The following PEX5L variants were observed in gnomAD, a reference collection of about 807,000 sequenced individuals.
The protein encoded by PEX5L is peroxisomal biogenesis factor 5 like.
A neutral mutation model predicts 84.0 loss-of-function variants in PEX5L; 30 were observed. The ratio of observed to expected loss-of-function variants is 0.36; its 90% confidence interval spans 0.27 to 0.48. The LOEUF is 0.48. PEX5L is among the 20% of genes least tolerant of loss of function. The pLI is 0.99. For missense variants in PEX5L, 533 were observed against 754.6 expected (o/e 0.71, Z 3.44); for synonymous variants, 270 against 283.1 (o/e 0.95, Z 0.46).
intron 1 of PEX5L, among the ~76,000 whole-genome samples, chr3:180,025,097 A>G (rs1790828314): frequency 6.6e-6 from 1 of 152,232 alleles, no homozygotes; most frequent in East Asian, 1.9e-4. Flanking sequence ...GGTTAATTAC[A>G]GTGGCAATCT....
At chr3:179,930,682 CAA>C (rs1333322197) in intron 2 of PEX5L, among the ~76,000 whole-genome samples, 2 of 152,238 alleles carry the variant, frequency 1.3e-5, no homozygotes, top group South Asian at 4.2e-4. Context: ...GCAGTTAAAA[CAA>C]GAGGAAATGT....
rs1286912547 is a variant in PEX5L at position 179,799,810 on chromosome 3, T to C, written c.*2018A>G. 1 of 152,226 alleles carries C rather than the reference T, an allele frequency of 6.6e-6. No individual in the cohort carries two copies. Among genetic ancestry groups the C allele is most frequent in the Admixed American group, 6.5e-5 (1 of 15,284 alleles). 9.4% of individuals were successfully genotyped at this position (152,226 alleles called of 1,614,324 possible). ...CCTTACCAGACTGGGTTTCTCGAAT[T>C]CTACAATTCTTACAATACCATTCTT... is the stretch of plus-strand genomic sequence containing the variant. On this transcript the variant is annotated 3_prime_UTR_variant, in exon 15 of 15. Transcript: ENST00000467460.
At chr3:179,865,910 C>T (rs2108606860) in intron 7 of PEX5L, among the ~76,000 whole-genome samples, 1 of 152,250 alleles carries the variant, frequency 6.6e-6, no homozygotes, top group South Asian at 2.1e-4. Context: ...CACAAATGTA[C>T]TGGAGTTCAC....
At chr3:179,936,110 A>AG (rs1774507176) in intron 2 of PEX5L, among the ~76,000 whole-genome samples, 2 of 152,188 alleles carry the variant, frequency 1.3e-5, no homozygotes, top group South Asian at 4.1e-4. Context: ...AGTAGCTGTC[A>AG]TCGCAGTCCA....
chr3:179,842,103 C>T lies in PEX5L; in HGVS notation c.822+16959G>A, dbSNP rs111281018. Among the ~76,000 whole-genome samples the T allele has an allele frequency of 9.7e-3, 1,484 of 152,320 alleles. 24 individuals are homozygous for T. The highest frequency in any genetic ancestry group is 0.034 in the African/African-American group (1,398 of 41,568). On this transcript the variant is annotated intron_variant, in intron 8 of 14. Transcript: ENST00000467460. Reference sequence around the variant, plus strand: ...GGAATAATTTTGCTGGATCACAATGCTGCTCAATTGATCTCATTTTAACAA... The same window carrying T: ...GGAATAATTTTGCTGGATCACAATGTTGCTCAATTGATCTCATTTTAACAA...
chr3:179,871,523 T>A, intron 7 of PEX5L, among the ~76,000 whole-genome samples: 1 of 152,236 alleles, frequency 6.6e-6, no homozygotes, highest in East Asian at 1.9e-4. Flanking sequence ...TATTGTTAAA[T>A]CAACTCCTTA....
chr3:179,898,321 G>C, intron 2 of PEX5L, 75 bp from the exon 3 acceptor site: 2 of 1,053,746 alleles, frequency 1.9e-6, no homozygotes, highest in Non-Finnish European at 2.8e-6. Context: ...ATATTCTAAT[G>C]TTTAAAGAGC....
chr3:179,865,670 G>A (rs1414367404), intron 7 of PEX5L, among the ~76,000 whole-genome samples: 6 of 152,124 alleles, frequency 3.9e-5, no homozygotes, highest in Admixed American at 2.0e-4. Flanking sequence ...AGTTGCAGTT[G>A]TTTTGACAGC....
chr3:179,843,842 C>T (rs1431821577), intron 8 of PEX5L, among the ~76,000 whole-genome samples: 1 of 152,180 alleles, frequency 6.6e-6, no homozygotes, highest in Non-Finnish European at 1.5e-5. Context: ...CTTTGCTTCC[C>T]CTTCCTCCCA....
At chr3:180,029,261 T>C (rs1791236889) in intron 1 of PEX5L, among the ~76,000 whole-genome samples, 1 of 152,120 alleles carries the variant, frequency 6.6e-6, no homozygotes, top group African/African-American at 2.4e-5. Context: ...ACTCCTGACC[T>C]CAAGTGATCC....
intron 1 of PEX5L, among the ~76,000 whole-genome samples, chr3:180,032,829 G>C (rs1791579360): frequency 6.6e-6 from 1 of 152,162 alleles, no homozygotes; most frequent in Non-Finnish European, 1.5e-5. Context: ...ACTCTAGCCT[G>C]GGGGACAGAG....
At chr3:179,902,781 C>T (rs557899912) in intron 2 of PEX5L, 1 of 396,332 alleles carries the variant, frequency 2.5e-6, no homozygotes, top group East Asian at 7.2e-5. Context: ...TAATTTAAAA[C>T]TTATTTTCAT....
At chr3:179,929,890 C>A (rs536423434) in intron 2 of PEX5L, among the ~76,000 whole-genome samples, 1 of 152,172 alleles carries the variant, frequency 6.6e-6, no homozygotes, top group Admixed American at 6.5e-5. Context: ...TTTATCAGAC[C>A]GGGACATAGC....
intron 1 of PEX5L, 42 bp from the exon 2 acceptor site, chr3:179,971,707 C>T: frequency 6.6e-7 from 1 of 1,511,286 alleles, no homozygotes; most frequent in Non-Finnish European, 8.9e-7. Context: ...AGTTTCTATC[C>T]ATTAACAATC....
intron 8 of PEX5L, among the ~76,000 whole-genome samples, chr3:179,854,422 C>A (rs1467032586): frequency 6.6e-6 from 1 of 152,064 alleles, no homozygotes; most frequent in Non-Finnish European, 1.5e-5. Context: ...TTCATACCAT[C>A]TAAAATACAA....
intron 5 of PEX5L, 121 bp from the exon 6 acceptor site, chr3:179,875,598 T>A: frequency 3.0e-6 from 2 of 667,572 alleles, no homozygotes; most frequent in African/African-American, 1.8e-5. Context: ...TAATTAAGAT[T>A]GAAAAATCTT....
chr3:180,031,456 GT>G (rs1791458687), intron 1 of PEX5L, among the ~76,000 whole-genome samples: 1 of 152,092 alleles, frequency 6.6e-6, no homozygotes, highest in Non-Finnish European at 1.5e-5. Flanking sequence ...AAGATGATTT[GT>G]GTTTTATATG....
intron 1 of PEX5L, among the ~76,000 whole-genome samples, chr3:179,976,525 C>A (rs1424658486): frequency 1.3e-5 from 2 of 152,106 alleles, no homozygotes; most frequent in Non-Finnish European, 2.9e-5. Flanking sequence ...GCAACTTCCG[C>A]CTCCTGGGTT....
At chr3:179,871,861 G>A (rs1031231401) in intron 7 of PEX5L, among the ~76,000 whole-genome samples, 3 of 152,126 alleles carry the variant, frequency 2.0e-5, no homozygotes, top group African/African-American at 7.2e-5. Context: ...CAGTAACTCT[G>A]TTAAGTTTAA....
Sources: gnomAD v4.1 joint callset for allele counts (sites outside exome capture counted in the v4.1 genomes callset) on GRCh38, gnomAD v4.1.1 for gene constraint, MANE v1.5 for transcripts, NCBI Gene and HGNC (gene_info 2026-07-23, HGNC 2026-07-21) for gene names.